The following SLIT3 variants were observed in gnomAD, a reference collection of about 807,000 sequenced individuals.
SLIT3 encodes the protein slit guidance ligand 3.
Under a neutral mutation model 184.0 loss-of-function variants are expected in SLIT3, and 68 were observed. That is an observed-to-expected ratio of 0.37 (90% CI 0.30 to 0.45). SLIT3 has a LOEUF of 0.45. Among genes scored for constraint, SLIT3 ranks in the 20% least tolerant of loss-of-function variants. The pLI is 1.00. For missense variants in SLIT3, 1,707 were observed against 2,026.0 expected (o/e 0.84, Z 3.02); for synonymous variants, 831 against 828.6 (o/e 1.00, Z -0.05).
At chr5:168,743,061 G>A (rs1388873299) in intron 20 of SLIT3, among the ~76,000 whole-genome samples, 2 of 152,180 alleles carry the variant, frequency 1.3e-5, no homozygotes, top group African/African-American at 4.8e-5. Context: ...GAACCCTGGA[G>A]GTTCACGCCA....
intron 4 of SLIT3, among the ~76,000 whole-genome samples, chr5:169,098,318 C>T (rs1037435460): frequency 6.6e-6 from 1 of 152,196 alleles, no homozygotes; most frequent in African/African-American, 2.4e-5. Flanking sequence ...TGTGTATACA[C>T]ACAGTATACA....
intron 4 of SLIT3, among the ~76,000 whole-genome samples, chr5:168,973,873 T>A (rs901980096): frequency 6.6e-6 from 1 of 152,222 alleles, no homozygotes; most frequent in Admixed American, 6.5e-5. Context: ...AAATGGGATA[T>A]GCTTAACACT....
intron 20 of SLIT3, among the ~76,000 whole-genome samples, chr5:168,738,886 C>T (rs1269622678): frequency 2.2e-5 from 3 of 134,078 alleles, no homozygotes; most frequent in Admixed American, 8.9e-5. Context: ...TGCAGTGAGC[C>T]GAGATGGCGC....
At chr5:168,947,571 G>T (rs1258786700) in intron 4 of SLIT3, among the ~76,000 whole-genome samples, 1 of 152,196 alleles carries the variant, frequency 6.6e-6, no homozygotes, top group Admixed American at 6.5e-5. Flanking sequence ...CCCAGGTCAG[G>T]GGCAGGGCCA....
At chr5:169,231,936 G>A (rs1270008924) in intron 3 of SLIT3, among the ~76,000 whole-genome samples, 1 of 152,066 alleles carries the variant, frequency 6.6e-6, no homozygotes, top group Admixed American at 6.5e-5. Context: ...CTTTTCATAC[G>A]ATCATTGGCC....
chr5:169,194,859 T>A (rs1254817639), intron 3 of SLIT3, among the ~76,000 whole-genome samples: 1 of 152,176 alleles, frequency 6.6e-6, no homozygotes, highest in African/African-American at 2.4e-5. Flanking sequence ...CATTATGATC[T>A]CCATGAAGGC....
At chr5:169,068,319 G>A (rs939860771) in intron 4 of SLIT3, among the ~76,000 whole-genome samples, 7 of 152,184 alleles carry the variant, frequency 4.6e-5, no homozygotes, top group Admixed American at 1.3e-4. Flanking sequence ...ATAGAAAAAT[G>A]TATGAAGAGC....
At chr5:168,834,327 G>T (rs780510080) in intron 6 of SLIT3, among the ~76,000 whole-genome samples, 1 of 152,100 alleles carries the variant, frequency 6.6e-6, no homozygotes, top group Non-Finnish European at 1.5e-5. Flanking sequence ...GGCCATTGTT[G>T]TAAGGATCAC....
chr5:168,918,533 T>G (rs1032500920), intron 4 of SLIT3, among the ~76,000 whole-genome samples: 4 of 152,244 alleles, frequency 2.6e-5, no homozygotes, highest in Non-Finnish European at 5.9e-5. Flanking sequence ...AAGAGGTTTG[T>G]GAACCCGATT....
intron 4 of SLIT3, among the ~76,000 whole-genome samples, chr5:168,895,958 G>C (rs1339433470): frequency 6.6e-6 from 1 of 152,316 alleles, no homozygotes; most frequent in East Asian, 1.9e-4. Context: ...ACAAATGTGA[G>C]ACTGCTGCCA....
At chr5:168,745,858 A>T (rs1561906495) in intron 20 of SLIT3, among the ~76,000 whole-genome samples, 1 of 152,142 alleles carries the variant, frequency 6.6e-6, no homozygotes, top group Non-Finnish European at 1.5e-5. Flanking sequence ...ATAGCCACCC[A>T]ATGTTGGCCA....
At chr5:169,172,485 T>C (rs1162925218) in intron 4 of SLIT3, among the ~76,000 whole-genome samples, 6 of 152,210 alleles carry the variant, frequency 3.9e-5, no homozygotes, top group African/African-American at 7.2e-5. Context: ...CATATTAACA[T>C]GGTAAATACC....
At chr5:168,907,727 C>G (rs911168358) in intron 4 of SLIT3, among the ~76,000 whole-genome samples, 3 of 151,694 alleles carry the variant, frequency 2.0e-5, no homozygotes, top group Admixed American at 2.0e-4. Flanking sequence ...TCAAAATAAC[C>G]ACTGTAAATA....
chr5:169,300,749 G>A lies in SLIT3; in HGVS notation c.-40C>T. On this transcript the variant is annotated 5_prime_UTR_variant, in exon 1 of 36. Coordinates refer to ENST00000519560, the MANE Select transcript of SLIT3 (RefSeq NM_003062.4). The surrounding 1 kb of genome is among the most constrained non-coding windows in gnomAD (Gnocchi z 4.1). Reference sequence around the variant, plus strand: ...CGCTCCTGGAGGAGGCTGCCTCTGCGGGGCAAGACGCGTGGAGCCCGAGGA... The same window carrying A: ...CGCTCCTGGAGGAGGCTGCCTCTGCAGGGCAAGACGCGTGGAGCCCGAGGA... 3 of 1,279,514 alleles carry A rather than the reference G, an allele frequency of 2.3e-6. No individual in the cohort carries two copies. Among genetic ancestry groups the A allele is most frequent in the South Asian group, 2.6e-5 (1 of 38,724 alleles). 79.3% of individuals were successfully genotyped at this position (1,279,514 alleles called of 1,614,324 possible).
At chr5:169,001,697 C>A (rs1303581998) in intron 4 of SLIT3, among the ~76,000 whole-genome samples, 1 of 152,128 alleles carries the variant, frequency 6.6e-6, no homozygotes, top group African/African-American at 2.4e-5. Flanking sequence ...TCTCTGGAAC[C>A]CAGGAGTTTA....
intron 8 of SLIT3, among the ~76,000 whole-genome samples, chr5:168,812,564 A>T (rs949925356): frequency 2.6e-5 from 4 of 152,256 alleles, no homozygotes; most frequent in African/African-American, 9.6e-5. Context: ...GTAAAAGTGC[A>T]GAGTCAAAAG....
intron 4 of SLIT3, among the ~76,000 whole-genome samples, chr5:169,156,280 C>A (rs1377053947): frequency 6.6e-6 from 1 of 152,076 alleles, no homozygotes; most frequent in Non-Finnish European, 1.5e-5. Flanking sequence ...CTGAAAATAC[C>A]TTTTCCTCTA....
chr5:168,730,506 C>T (rs1429127891), intron 20 of SLIT3, among the ~76,000 whole-genome samples: 1 of 151,926 alleles, frequency 6.6e-6, no homozygotes, highest in Non-Finnish European at 1.5e-5. Flanking sequence ...CATTAAAAAA[C>T]CTGAAATTAT....
At chr5:169,083,914 CCTTT>C (rs1004818069) in intron 4 of SLIT3, among the ~76,000 whole-genome samples, 2 of 152,188 alleles carry the variant, frequency 1.3e-5, no homozygotes, top group African/African-American at 4.8e-5. Context: ...GCTCTGCTTG[CCTTT>C]CTTAGTAAAC....
Sources: gnomAD v4.1 joint callset for allele counts (sites outside exome capture counted in the v4.1 genomes callset) on GRCh38, gnomAD v4.1.1 for gene constraint, Gnocchi (gnomAD v3.1) non-coding constraint, MANE v1.5 for transcripts, NCBI Gene and HGNC (gene_info 2026-07-23, HGNC 2026-07-21) for gene names.